KCNT1: variants seen among roughly 807,000 people sequenced by gnomAD.
The protein encoded by KCNT1 is potassium channel subfamily T member 1.
Under a neutral mutation model 147.8 loss-of-function variants are expected in KCNT1, and 78 were observed. The observed-to-expected ratio is 0.53, with a 90% CI of 0.44 to 0.64. KCNT1 has a LOEUF of 0.64. Among genes scored for constraint, KCNT1 ranks in the 30% least tolerant of loss-of-function variants. The pLI is 0.00. For synonymous variants in KCNT1, 867 were observed against 748.8 expected, an observed-to-expected ratio of 1.16 and a Z score of -2.58; for missense variants, 1,419 against 1,750.3, an observed-to-expected ratio of 0.81 and a Z score of 3.38.
intron 6 of KCNT1, among the ~76,000 whole-genome samples, chr9:135,755,453 C>CCCAGGCTCAGTAAATGCTGAGGACAAAT (rs1831422643): frequency 6.7e-6 from 1 of 148,316 alleles, no homozygotes; most frequent in African/African-American, 2.5e-5. Context: ...CATTTACTGA[C>CCCAGGCTCAGTAAATGCTGAGGACAAAT]CCAGGCTCAG....
chr9:135,767,669 G>T (rs1832380438), intron 13 of KCNT1, among the ~76,000 whole-genome samples: 1 of 152,054 alleles, frequency 6.6e-6, no homozygotes, highest in African/African-American at 2.4e-5. Flanking sequence ...CCTAGGTGGG[G>T]TCTCCACCGG....
chr9:135,753,633 G>T, intron 4 of KCNT1: 1 of 504,080 alleles, frequency 2.0e-6, no homozygotes, highest in Admixed American at 3.4e-5. Flanking sequence ...GTGTGTTGCT[G>T]TTGGGTTGGG....
At chr9:135,736,459 C>G (rs1041941406) in intron 2 of KCNT1, 1 of 152,190 alleles carries the variant, frequency 6.6e-6, no homozygotes, top group Non-Finnish European at 1.5e-5. Flanking sequence ...GGCGTCCTGG[C>G]GGTGGTTTGA....
chr9:135,713,821 T>G (rs1835604277), intron 1 of KCNT1, among the ~76,000 whole-genome samples: 1 of 152,184 alleles, frequency 6.6e-6, no homozygotes, highest in Non-Finnish European at 1.5e-5. Flanking sequence ...AGACACCTGC[T>G]TGGGCCCCCA....
intron 1 of KCNT1, among the ~76,000 whole-genome samples, chr9:135,704,802 C>T (rs1311640911): frequency 6.6e-6 from 1 of 152,216 alleles, no homozygotes; most frequent in African/African-American, 2.4e-5. Context: ...GGGAGCAGTG[C>T]CTTCAGCAGC....
At chr9:135,769,903 G>A (rs1402775990) in intron 15 of KCNT1, 44 bp from the exon 16 acceptor site, 1 of 1,404,932 alleles carries the variant, frequency 7.1e-7, no homozygotes, top group Non-Finnish European at 9.8e-7. Context: ...GGAGGAGAGA[G>A]CCGGCAGAGC....
chr9:135,756,973 A>AACCC, intron 7 of KCNT1, 41 bp downstream of exon 7: 1 of 653,240 alleles, frequency 1.5e-6, no homozygotes, highest in Non-Finnish European at 2.1e-6. Flanking sequence ...GGGGGTCCCC[A>AACCC]CCCTCCCCAC....
intron 2 of KCNT1, among the ~76,000 whole-genome samples, chr9:135,745,472 C>T (rs1332953797): frequency 3.3e-5 from 5 of 152,238 alleles, no homozygotes; most frequent in Admixed American, 1.3e-4. Flanking sequence ...CTGGGAGCCA[C>T]GGTGAGTCGA....
intron 2 of KCNT1, among the ~76,000 whole-genome samples, chr9:135,722,502 G>A (rs1455188692): frequency 1.3e-5 from 2 of 152,216 alleles, no homozygotes; most frequent in South Asian, 2.1e-4. Context: ...CCACTGTTCC[G>A]TTTCCATCAT....
rs945295875 is a variant in KCNT1, at chr9:135,792,031, C to T, written c.3588-10C>T. 11 of 1,603,338 alleles carry T rather than the reference C, an allele frequency of 6.9e-6. No individual in the cohort carries two copies. The African/African-American group carries it at 1.5e-4, about 21-fold the overall frequency. ...ACATCCACTCCAGGGTCCTCTGTGC[C>T]CTCCCGCAGCTATCTCATCCGCTCC... is the stretch of plus-strand genomic sequence containing the variant. On this transcript the variant is annotated splice_polypyrimidine_tract_variant and intron_variant, in intron 30 of 30. Coordinates refer to ENST00000371757, the MANE Select transcript of KCNT1 (RefSeq NM_020822.3).
intron 1 of KCNT1, among the ~76,000 whole-genome samples, chr9:135,705,912 G>A (rs1835235153): frequency 6.6e-6 from 1 of 152,104 alleles, no homozygotes. Context: ...GGGAGGTGGG[G>A]GAGGTGGGAG....
At chr9:135,731,958 G>GTATATATATATATA (rs1564327715) in intron 2 of KCNT1, among the ~76,000 whole-genome samples, 1 of 35,544 alleles carries the variant, frequency 2.8e-5, no homozygotes, top group Non-Finnish European at 5.5e-5. Context: ...TCAAATATGC[G>GTATATATATATATA]TGTATATATA....
chr9:135,741,022 G>A (rs952834899), intron 2 of KCNT1, among the ~76,000 whole-genome samples: 2 of 151,744 alleles, frequency 1.3e-5, no homozygotes, highest in African/African-American at 4.8e-5. Flanking sequence ...CAAAGCCCCA[G>A]GTCCCTTTGC....
Position 135,793,298 on chromosome 9 carries a change from C to T in KCNT1, c.*1137C>T, listed in dbSNP as rs760575899. ...AGGCCAGGACAGTCCTTCCAAAACT[C>T]GGGAACCAAATTGTATTTGGCTACT... On this transcript the variant is annotated 3_prime_UTR_variant, in exon 31 of 31. Transcript: ENST00000371757. 2.6e-5 allele frequency: 4 copies of T among 152,182 alleles called. No individual in the cohort carries two copies. Among genetic ancestry groups the T allele is most frequent in the Non-Finnish European group, 5.9e-5 (4 of 68,052 alleles). 9.4% of individuals were successfully genotyped at this position (152,182 alleles called of 1,614,324 possible).
At chr9:135,758,933 G>T (rs992061625) in intron 10 of KCNT1, among the ~76,000 whole-genome samples, 1 of 151,946 alleles carries the variant, frequency 6.6e-6, no homozygotes, top group African/African-American at 2.4e-5. Context: ...CCACCTGCCT[G>T]TGTCCTCGTG....
intron 2 of KCNT1, among the ~76,000 whole-genome samples, chr9:135,741,206 G>T (rs1310169890): frequency 6.6e-6 from 1 of 152,220 alleles, no homozygotes; most frequent in African/African-American, 2.4e-5. Context: ...AGAGTAGATG[G>T]GAGGCCCCAT....
intron 1 of KCNT1, among the ~76,000 whole-genome samples, chr9:135,703,966 T>C (rs778866925): frequency 5.9e-5 from 9 of 152,108 alleles, no homozygotes; most frequent in Non-Finnish European, 1.0e-4. Flanking sequence ...CCGCCGGCAG[T>C]GGAGGGATGT....
At chr9:135,746,957 C>G (rs555249348) in intron 2 of KCNT1, among the ~76,000 whole-genome samples, 1 of 152,026 alleles carries the variant, frequency 6.6e-6, no homozygotes, top group Non-Finnish European at 1.5e-5. Flanking sequence ...GATGGTTGGC[C>G]TGGTGCCATC....
At chr9:135,761,134 C>T (rs1035999507) in intron 11 of KCNT1, among the ~76,000 whole-genome samples, 1 of 152,326 alleles carries the variant, frequency 6.6e-6, no homozygotes, top group East Asian at 1.9e-4. Context: ...CCAGAAATAG[C>T]TGGGATTACA....
Sources: allele counts gnomAD v4.1 joint callset (sites outside exome capture counted in the v4.1 genomes callset), GRCh38; gene constraint gnomAD v4.1.1; transcripts MANE v1.5; gene names NCBI Gene and HGNC (gene_info 2026-07-23, HGNC 2026-07-21).